The following GRIP1 variants were observed in gnomAD, a reference collection of about 807,000 sequenced individuals.
GRIP1 encodes glutamate receptor interacting protein 1, also known as glutamate receptor-interacting protein 1.
A neutral mutation model predicts 129.9 loss-of-function variants in GRIP1; 45 were observed. The observed-to-expected ratio is 0.35, with a 90% CI of 0.27 to 0.44. GRIP1 has a LOEUF of 0.44. Ranked by LOEUF, GRIP1 falls within the 20% of genes least tolerant of loss-of-function variation. The probability of loss-of-function intolerance (pLI) is 1.00; values close to 1 mark genes in which losing one functional copy is unlikely to be tolerated. For synonymous variants in GRIP1, 530 were observed against 520.8 expected, an observed-to-expected ratio of 1.02 and a Z score of -0.24; for missense variants, 1,196 against 1,396.8, an observed-to-expected ratio of 0.86 and a Z score of 2.29.
intron 9 of GRIP1, among the ~76,000 whole-genome samples, chr12:66,461,997 T>C (rs770878907): frequency 6.6e-6 from 1 of 152,192 alleles, no homozygotes; most frequent in Non-Finnish European, 1.5e-5. Flanking sequence ...AAACTTGACT[T>C]CATTTGATTT....
At chr12:66,727,295 G>A (rs2036286803) in intron 1 of GRIP1, among the ~76,000 whole-genome samples, 1 of 152,190 alleles carries the variant, frequency 6.6e-6, no homozygotes, top group African/African-American at 2.4e-5. Flanking sequence ...AATAGGTGGG[G>A]GCAAATATCC....
intron 1 of GRIP1, among the ~76,000 whole-genome samples, chr12:67,054,506 G>A (rs1051345744): frequency 6.6e-6 from 1 of 152,176 alleles, no homozygotes; most frequent in African/African-American, 2.4e-5. Flanking sequence ...GCTCACACCT[G>A]TAATCCCAGC....
intron 1 of GRIP1, among the ~76,000 whole-genome samples, chr12:67,025,718 G>A (rs1046424312): frequency 6.6e-6 from 1 of 152,092 alleles, no homozygotes; most frequent in Non-Finnish European, 1.5e-5. Context: ...CTTGGGTCAT[G>A]ACGGCGAGGG....
chr12:66,546,971 A>G (rs1183987701), intron 2 of GRIP1, among the ~76,000 whole-genome samples: 3 of 152,220 alleles, frequency 2.0e-5, no homozygotes, highest in African/African-American at 7.2e-5. Flanking sequence ...TGAAAAGAAC[A>G]TCTACAGACC....
intron 1 of GRIP1, among the ~76,000 whole-genome samples, chr12:67,049,443 C>A (rs2043305858): frequency 6.6e-6 from 1 of 152,152 alleles, no homozygotes; most frequent in Non-Finnish European, 1.5e-5. Flanking sequence ...CCATCATTCT[C>A]TGCAAACTAA....
chr12:66,998,965 C>T (rs1369232352), intron 1 of GRIP1, among the ~76,000 whole-genome samples: 1 of 152,094 alleles, frequency 6.6e-6, no homozygotes, highest in Non-Finnish European at 1.5e-5. Context: ...TTTCTTCTCA[C>T]CTCATTTGAG....
intron 1 of GRIP1, chr12:66,804,009 C>A: frequency 2.4e-6 from 1 of 418,288 alleles, no homozygotes; most frequent in Non-Finnish European, 4.8e-6. Context: ...TATTGTTAGC[C>A]CCAGCATGCG....
intron 1 of GRIP1, among the ~76,000 whole-genome samples, chr12:66,786,188 C>T (rs150889821): frequency 1.3e-4 from 20 of 152,174 alleles, no homozygotes; most frequent in East Asian, 7.7e-4. Flanking sequence ...AAGGTGAAGA[C>T]GACTAGGAAT....
At chr12:66,514,013 C>G (rs2060774873) in intron 7 of GRIP1, among the ~76,000 whole-genome samples, 1 of 152,196 alleles carries the variant, frequency 6.6e-6, no homozygotes, top group African/African-American at 2.4e-5. Context: ...TACCTCTTCA[C>G]TGACTGCTCT....
intron 3 of GRIP1, among the ~76,000 whole-genome samples, chr12:66,539,843 A>G (rs558504108): frequency 2.0e-5 from 3 of 152,276 alleles, no homozygotes; most frequent in African/African-American, 4.8e-5. Flanking sequence ...TTATCTCTCT[A>G]TACCACCATA....
At chr12:66,571,829 T>C (rs13378006) in intron 2 of GRIP1, among the ~76,000 whole-genome samples, 2,733 of 152,296 alleles carry the variant, frequency 0.018, 77 homozygotes, top group African/African-American at 0.062. Flanking sequence ...TCCTCAGTCA[T>C]TTCCATTTAC....
chr12:66,658,121 C>CAT (rs1386408369), intron 1 of GRIP1, among the ~76,000 whole-genome samples: 2 of 151,840 alleles, frequency 1.3e-5, no homozygotes, highest in Non-Finnish European at 2.9e-5. Context: ...CATAAATAAA[C>CAT]ATATATATAA....
Position 66,375,696 on chromosome 12 carries a change from GTGGCAACA to G in GRIP1, c.2778+1313_2778+1320del, listed in dbSNP as rs1376014249. On this transcript the variant is annotated intron_variant, in intron 22 of 24. Coordinates refer to ENST00000359742, the MANE Select transcript of GRIP1 (RefSeq NM_001366722.1). ...CTATGTTACAGCAAATTCATAGGCT[GTGGCAACA>G]TAACATCTACTCTTACTGATGGATG... Among the ~76,000 whole-genome samples, 3 of 152,290 alleles carry G rather than the reference GTGGCAACA, an allele frequency of 2.0e-5. No homozygotes were observed. The South Asian group carries it at 6.2e-4, about 32-fold the overall frequency.
chr12:66,815,858 C>CTT (rs1477155577), intron 1 of GRIP1, among the ~76,000 whole-genome samples: 108 of 56,416 alleles, frequency 1.9e-3, no homozygotes, highest in African/African-American at 6.2e-3. Context: ...CTTTCTTTCT[C>CTT]TCTCTCTCTC....
intron 1 of GRIP1, among the ~76,000 whole-genome samples, chr12:66,764,248 C>T (rs2037558154): frequency 1.3e-5 from 2 of 152,116 alleles, no homozygotes. Context: ...ATGTAAACTC[C>T]AGTTTGAATA....
chr12:66,358,085 G>A (rs1222177875), intron 23 of GRIP1, among the ~76,000 whole-genome samples: 1 of 152,136 alleles, frequency 6.6e-6, no homozygotes. Flanking sequence ...GTAGAGATAG[G>A]GTTTTGCCAC....
chr12:66,881,683 C>T (rs1246515490), intron 1 of GRIP1, among the ~76,000 whole-genome samples: 1 of 152,108 alleles, frequency 6.6e-6, no homozygotes, highest in East Asian at 1.9e-4. Flanking sequence ...CTGTGGAAGG[C>T]TGAGTAGCTT....
chr12:66,590,669 T>C (rs535771748), intron 2 of GRIP1, among the ~76,000 whole-genome samples: 1 of 152,208 alleles, frequency 6.6e-6, no homozygotes, highest in East Asian at 1.9e-4. Flanking sequence ...AACTTTTTCC[T>C]AGGGTGTTTT....
intron 2 of GRIP1, among the ~76,000 whole-genome samples, chr12:66,555,853 T>A (rs370794283): frequency 4.6e-5 from 7 of 151,778 alleles, no homozygotes; most frequent in African/African-American, 1.7e-4. Flanking sequence ...TTGAAGACAG[T>A]CTATTTGAAA....
Sources: allele counts gnomAD v4.1 joint callset (sites outside exome capture counted in the v4.1 genomes callset), GRCh38; gene constraint gnomAD v4.1.1; transcripts MANE v1.5; gene names NCBI Gene and HGNC (gene_info 2026-07-23, HGNC 2026-07-21).